THRB: variants seen among roughly 807,000 people sequenced by gnomAD.
THRB encodes nuclear receptor subfamily 1 group A member 2.
THRB carries 12 observed loss-of-function variants against 47.8 expected under a neutral mutation model. The observed-to-expected ratio is 0.25, with a 90% CI of 0.16 to 0.41. THRB has a LOEUF of 0.41. Among genes scored for constraint, THRB ranks in the 10% least tolerant of loss-of-function variants. The pLI, the probability that THRB is intolerant of heterozygous loss-of-function variation, is 1.00. For missense variants in THRB, 348 were observed against 589.2 expected, an observed-to-expected ratio of 0.59 and a Z score of 4.24; for synonymous variants, 218 against 212.2, an observed-to-expected ratio of 1.03 and a Z score of -0.24.
chr3:24,273,817 C>G (rs2053607622), intron 3 of THRB, among the ~76,000 whole-genome samples: 1 of 150,416 alleles, frequency 6.6e-6, no homozygotes, highest in African/African-American at 2.4e-5. Context: ...AAAACCCAAG[C>G]AAACAAAACT....
At chr3:24,458,752 T>C (rs1439654212) in intron 1 of THRB, 1 of 152,142 alleles carries the variant, frequency 6.6e-6, no homozygotes, top group East Asian at 1.9e-4. Flanking sequence ...TCTCATACTA[T>C]TCGAAAAGAA....
Position 24,451,931 on chromosome 3 carries a change from AG to A in THRB, c.-261+42720del, listed in dbSNP as rs755081772. Among the ~76,000 whole-genome samples the A allele has an allele frequency of 1.6e-4, 25 of 152,242 alleles. 2 individuals carry two copies. In the East Asian group the frequency reaches 2.3e-3, roughly 14 times the overall value. ...ACTTCTATGTTGCAACAGATAAAAAAGCACTGGGGGCTGGGCTGGTAGGGGC... is the reference window on the plus strand; with the variant it reads ...ACTTCTATGTTGCAACAGATAAAAAACACTGGGGGCTGGGCTGGTAGGGGC... On this transcript the variant is annotated intron_variant, in intron 1 of 10. Coordinates refer to ENST00000646209, the MANE Select transcript of THRB (RefSeq NM_001354712.2).
chr3:24,432,296 G>A (rs1368265165), intron 1 of THRB, among the ~76,000 whole-genome samples: 1 of 152,106 alleles, frequency 6.6e-6, no homozygotes, highest in Non-Finnish European at 1.5e-5. Context: ...AAGGTGTAAA[G>A]AAATATTTTG....
intron 1 of THRB, among the ~76,000 whole-genome samples, chr3:24,388,029 A>G (rs992332404): frequency 6.6e-5 from 10 of 152,060 alleles, no homozygotes; most frequent in Non-Finnish European, 1.5e-4. Flanking sequence ...TATGATGGGT[A>G]TTGTCACGCA....
rs150709074 is a variant in THRB, at chr3:24,201,553, AT to A, written c.23-11220del. Among the ~76,000 whole-genome samples, 1,239 of 152,324 alleles carry A rather than the reference AT, an allele frequency of 8.1e-3. 18 individuals are homozygous for A. Among genetic ancestry groups the A allele is most frequent in the African/African-American group, 0.028 (1,149 of 41,580 alleles). On this transcript the variant is annotated intron_variant, in intron 4 of 10. Coordinates refer to ENST00000646209, the MANE Select transcript of THRB (RefSeq NM_001354712.2). Reference sequence around the variant, plus strand: ...ATTCTGTTCTAGGGGCACAGTCTCCATATAAAGTAGACAGAATTTGTTAAAC... The same window carrying A: ...ATTCTGTTCTAGGGGCACAGTCTCCAATAAAGTAGACAGAATTTGTTAAAC...
chr3:24,338,533 CA>C (rs1393128982), intron 1 of THRB, among the ~76,000 whole-genome samples: 1 of 152,196 alleles, frequency 6.6e-6, no homozygotes, highest in Non-Finnish European at 1.5e-5. Flanking sequence ...TGAGTAAATA[CA>C]TACTCAGTTG....
chr3:24,214,904 T>C (rs1395414236), intron 4 of THRB, among the ~76,000 whole-genome samples: 3 of 152,232 alleles, frequency 2.0e-5, no homozygotes, highest in Non-Finnish European at 2.9e-5. Flanking sequence ...CATTATGTTT[T>C]ATGCCCTTGC....
intron 1 of THRB, among the ~76,000 whole-genome samples, chr3:24,343,953 T>TTATA (rs200026662): frequency 2.7e-5 from 4 of 145,972 alleles, no homozygotes; most frequent in Admixed American, 1.4e-4. Context: ...TATATATTAT[T>TTATA]TATATATATA....
chr3:24,257,697 A>T lies in THRB; in HGVS notation c.-42-28696T>A, dbSNP rs547085586. On this transcript the variant is annotated intron_variant, in intron 3 of 10. Transcript: ENST00000646209. ...AATGAGCACAGCCCAATAAAACTTT[A>T]TTTACAAAAACAGGCAGTGGGCACT... is the stretch of plus-strand genomic sequence containing the variant. 2.0e-5 allele frequency among the ~76,000 whole-genome samples: 3 copies of T among 152,338 alleles called. No individual in the cohort carries two copies. The South Asian group carries it at 6.2e-4, about 32-fold the overall frequency.
At chr3:24,198,007 C>T (rs1360984944) in intron 4 of THRB, among the ~76,000 whole-genome samples, 1 of 152,212 alleles carries the variant, frequency 6.6e-6, no homozygotes, top group African/African-American at 2.4e-5. Context: ...AGTCCACTAA[C>T]ATCTGGGATG....
chr3:24,356,933 C>T (rs2063712101), intron 1 of THRB, among the ~76,000 whole-genome samples: 1 of 151,878 alleles, frequency 6.6e-6, no homozygotes, highest in South Asian at 2.1e-4. Context: ...GAACTTTCTT[C>T]AGGGGAGATG....
chr3:24,464,585 T>A lies in THRB; in HGVS notation c.-261+30067A>T, dbSNP rs182687570. Among the ~76,000 whole-genome samples the A allele has an allele frequency of 3.3e-5, 5 of 152,354 alleles. No homozygotes were observed. In the East Asian group the frequency reaches 7.7e-4, roughly 23 times the overall value. ...TTATGCAATCTGGAGGTCTTTCTTTTTAAGCTGAAGAATTTAGTTCATTTA... is the reference window on the plus strand; with the variant it reads ...TTATGCAATCTGGAGGTCTTTCTTTATAAGCTGAAGAATTTAGTTCATTTA... On this transcript the variant is annotated intron_variant, in intron 1 of 10. Transcript: ENST00000646209.
At chr3:24,195,653 G>GC (rs2043862772) in intron 4 of THRB, among the ~76,000 whole-genome samples, 1 of 152,148 alleles carries the variant, frequency 6.6e-6, no homozygotes, top group Admixed American at 6.6e-5. Context: ...CCTTACAGTG[G>GC]CCTCAAGGCC....
intron 3 of THRB, among the ~76,000 whole-genome samples, chr3:24,272,713 C>CT (rs974720352): frequency 7.2e-5 from 11 of 152,246 alleles, no homozygotes; most frequent in East Asian, 3.9e-4. Context: ...ACACTAGTTT[C>CT]TTTTTTGACA....
At chr3:24,238,944 CTTTTTT>C in intron 3 of THRB, among the ~76,000 whole-genome samples, 1 of 141,064 alleles carries the variant, frequency 7.1e-6, no homozygotes, top group East Asian at 2.1e-4. Flanking sequence ...GCATTAGGTT[CTTTTTT>C]TTTTTTTTTG....
chr3:24,381,758 C>T (rs2065731817), intron 1 of THRB, among the ~76,000 whole-genome samples: 1 of 152,048 alleles, frequency 6.6e-6, no homozygotes, highest in Non-Finnish European at 1.5e-5. Flanking sequence ...CTCTTCCCTA[C>T]TCTCAAGCAA....
chr3:24,180,637 A>C (rs1030293264), intron 5 of THRB, among the ~76,000 whole-genome samples: 2 of 152,220 alleles, frequency 1.3e-5, no homozygotes, highest in Non-Finnish European at 2.9e-5. Context: ...GGACCCGGGC[A>C]GTGTGGATAG....
intron 3 of THRB, among the ~76,000 whole-genome samples, chr3:24,238,263 A>G (rs201101033): frequency 1.5e-4 from 5 of 34,166 alleles, no homozygotes; most frequent in South Asian, 1.3e-3. Flanking sequence ...GTGTGTGTGT[A>G]TGTGTGTGTG....
chr3:24,211,487 A>G (rs189770398), intron 4 of THRB, among the ~76,000 whole-genome samples: 179 of 152,288 alleles, frequency 1.2e-3, no homozygotes, highest in Admixed American at 2.5e-3. Context: ...GGTATTCAAA[A>G]TGTCCTGTCA....
Sources: gnomAD v4.1 joint callset for allele counts (sites outside exome capture counted in the v4.1 genomes callset) on GRCh38, gnomAD v4.1.1 for gene constraint, MANE v1.5 for transcripts, NCBI Gene and HGNC (gene_info 2026-07-23, HGNC 2026-07-21) for gene names.